Variants in TYW1B observed in about 807,000 individuals in gnomAD.
The protein encoded by TYW1B is S-adenosyl-L-methionine-dependent tRNA 4-demethylwyosine synthase TYW1B.
A neutral mutation model predicts 86.9 loss-of-function variants in TYW1B; 73 were observed. That is an observed-to-expected ratio of 0.84 (90% CI 0.70 to 1.02). The LOEUF (loss-of-function observed/expected upper bound fraction) is 1.02. Ranked by LOEUF, TYW1B falls within the 50% of genes least tolerant of loss-of-function variation. The probability of loss-of-function intolerance (pLI) is 0.00; values close to 1 mark genes in which losing one functional copy is unlikely to be tolerated. For synonymous variants in TYW1B, 248 were observed against 292.8 expected (o/e 0.85, Z 1.56); for missense variants, 637 against 827.4 (o/e 0.77, Z 2.82).
Position 72,575,173 on chromosome 7 carries a change from T to G in TYW1B, c.*325A>C. The G allele has an allele frequency of 8.9e-7, 1 of 1,118,818 alleles. No homozygotes were observed. The highest frequency in any genetic ancestry group is 1.1e-6 in the Non-Finnish European group (1 of 913,174). 69.3% of individuals were successfully genotyped at this position (1,118,818 alleles called of 1,614,324 possible). The stretch of plus-strand genomic sequence containing the variant: ...CTTCCTTGTCTGACACTCTCAGGAC[T>G]AGCATTCTGGCAGGTCTTAGAAGTT... On this transcript the variant is annotated 3_prime_UTR_variant, in exon 14 of 14. Transcript: ENST00000620995.
At chr7:72,769,923 T>A (rs1408747824) in intron 7 of TYW1B, among the ~76,000 whole-genome samples, 1 of 151,742 alleles carries the variant, frequency 6.6e-6, no homozygotes, top group African/African-American at 2.4e-5. Flanking sequence ...AATACACTAA[T>A]TCAAAACTTA....
At chr7:72,827,131 G>A in intron 1 of TYW1B, 146 bp from the exon 2 acceptor site, 2 of 1,143,116 alleles carry the variant, frequency 1.7e-6, no homozygotes, top group Non-Finnish European at 2.4e-6. Context: ...CTGTTGGCCG[G>A]GCACAGTGGC....
intron 6 of TYW1B, among the ~76,000 whole-genome samples, chr7:72,783,368 A>T (rs1788079612): frequency 7.1e-6 from 1 of 141,322 alleles, no homozygotes; most frequent in Non-Finnish European, 1.5e-5. Flanking sequence ...TGGGCAACAA[A>T]GCAAGACTTC....
At chr7:72,705,531 T>C (rs2844053) in intron 10 of TYW1B, among the ~76,000 whole-genome samples, 2 of 152,176 alleles carry the variant, frequency 1.3e-5, no homozygotes, top group African/African-American at 2.4e-5. Flanking sequence ...TGCTAGCAGC[T>C]AAAAAGCTTT....
chr7:72,757,707 GA>G, intron 7 of TYW1B, among the ~76,000 whole-genome samples: 1 of 152,314 alleles, frequency 6.6e-6, no homozygotes, highest in South Asian at 2.1e-4. Flanking sequence ...GGAAGGGCAT[GA>G]AGAGAGGGCT....
At chr7:72,806,055 G>A (rs1385120858) in intron 5 of TYW1B, among the ~76,000 whole-genome samples, 1 of 152,048 alleles carries the variant, frequency 6.6e-6, no homozygotes, top group Non-Finnish European at 1.5e-5. Flanking sequence ...CAGTTTGAGT[G>A]ACTAATGGAG....
At chr7:72,690,908 T>G (rs1481057552) in intron 11 of TYW1B, among the ~76,000 whole-genome samples, 1 of 152,024 alleles carries the variant, frequency 6.6e-6, no homozygotes, top group Non-Finnish European at 1.5e-5. Context: ...CCACCACTCC[T>G]GGCTAATTGT....
intron 13 of TYW1B, among the ~76,000 whole-genome samples, chr7:72,585,764 C>G (rs1488327134): frequency 6.6e-6 from 1 of 152,160 alleles, no homozygotes; most frequent in African/African-American, 2.4e-5. Context: ...CCACCCCAGC[C>G]ACGTGAACTG....
At position 72,636,729 on chromosome 7, in the gene TYW1B, C is replaced by T. The variant is rs530870539; in HGVS notation, c.1507-7732G>A. Among the ~76,000 whole-genome samples, 22 of 152,234 alleles carry T rather than the reference C, an allele frequency of 1.4e-4. No homozygotes were observed. In the South Asian group the frequency reaches 1.7e-3, roughly 11 times the overall value. On this transcript the variant is annotated intron_variant, in intron 11 of 13. Coordinates refer to ENST00000620995, the MANE Select transcript of TYW1B (RefSeq NM_001145440.3). ...CATCATAAATAGGTTGATTTTTACA[C>T]GTTAAACAAAACTCGCATTCTTAGA...
At chr7:72,723,585 A>C (rs1786944957) in intron 9 of TYW1B, among the ~76,000 whole-genome samples, 2 of 152,168 alleles carry the variant, frequency 1.3e-5, no homozygotes, top group South Asian at 4.1e-4. Context: ...TGGGCAACGT[A>C]GTGAGACCCC....
chr7:72,688,875 G>T (rs1457083298), intron 11 of TYW1B, among the ~76,000 whole-genome samples: 31 of 152,152 alleles, frequency 2.0e-4, no homozygotes, highest in African/African-American at 7.5e-4. Context: ...GTTTACTAAG[G>T]AGTTAGCCAG....
At chr7:72,614,639 A>C (rs1428593242) in intron 13 of TYW1B, among the ~76,000 whole-genome samples, 2 of 151,912 alleles carry the variant, frequency 1.3e-5, no homozygotes, top group African/African-American at 4.8e-5. Context: ...TCTTAAAAAA[A>C]AAAAAAAAAG....
At chr7:72,749,662 G>A (rs1554464544) in intron 7 of TYW1B, among the ~76,000 whole-genome samples, 1 of 150,396 alleles carries the variant, frequency 6.6e-6, no homozygotes, top group African/African-American at 2.4e-5. Flanking sequence ...TTGTTTTATA[G>A]TGATTTTTTA....
chr7:72,625,611 A>G (rs1409596378), intron 12 of TYW1B, among the ~76,000 whole-genome samples: 3 of 150,444 alleles, frequency 2.0e-5, no homozygotes, highest in African/African-American at 7.4e-5. Context: ...GCTGTGAGCC[A>G]TGATTGCACC....
At position 72,606,682 on chromosome 7, in the gene TYW1B, T is replaced by C. The variant is rs1403405355; in HGVS notation, c.1785+9990A>G. 4.6e-5 allele frequency among the ~76,000 whole-genome samples: 7 copies of C among 151,656 alleles called. No homozygotes were observed. The East Asian group carries it at 1.4e-3, about 29-fold the overall frequency. ...CAGTCACAAGATGGCTCTCCCTTCT[T>C]CATCAGAATGGTATAACAGGAGGCT... On this transcript the variant is annotated intron_variant, in intron 13 of 13. Coordinates refer to ENST00000620995, the MANE Select transcript of TYW1B (RefSeq NM_001145440.3).
chr7:72,813,171 C>CTTTTTTT (rs782128548), intron 3 of TYW1B, among the ~76,000 whole-genome samples: 2 of 123,760 alleles, frequency 1.6e-5, no homozygotes, highest in Admixed American at 8.3e-5. Context: ...CATACTTCTT[C>CTTTTTTT]TTTTTTTTTT....
At chr7:72,624,408 G>C (rs1349654158) in intron 12 of TYW1B, among the ~76,000 whole-genome samples, 2 of 152,058 alleles carry the variant, frequency 1.3e-5, no homozygotes, top group East Asian at 3.8e-4. Flanking sequence ...AAATACATCT[G>C]AACATACAAC....
intron 13 of TYW1B, among the ~76,000 whole-genome samples, chr7:72,602,095 A>G (rs1348667947): frequency 1.3e-5 from 2 of 152,216 alleles, no homozygotes; most frequent in African/African-American, 4.8e-5. Flanking sequence ...GTGAAGACTG[A>G]TAAGATAATG....
intron 7 of TYW1B, among the ~76,000 whole-genome samples, chr7:72,759,174 A>G (rs782586846): frequency 1.7e-4 from 26 of 152,184 alleles, no homozygotes; most frequent in Admixed American, 1.0e-3. Flanking sequence ...CTACCAAAAA[A>G]TACAAACAAT....
Sources: allele counts gnomAD v4.1 joint callset (sites outside exome capture counted in the v4.1 genomes callset), GRCh38; gene constraint gnomAD v4.1.1; transcripts MANE v1.5; gene names NCBI Gene and HGNC (gene_info 2026-07-23, HGNC 2026-07-21).